PLCXD3: variants seen among roughly 807,000 people sequenced by gnomAD.
PLCXD3 encodes phosphatidylinositol specific phospholipase C X domain containing 3, also known as PI-PLC X domain-containing protein 3.
A neutral mutation model predicts 25.5 loss-of-function variants in PLCXD3; 19 were observed. The observed-to-expected ratio is 0.75, with a 90% CI of 0.52 to 1.09. PLCXD3 has a LOEUF of 1.09. PLCXD3 is among the 50% of genes least tolerant of loss of function. The pLI is 0.00. For synonymous variants in PLCXD3, 174 were observed against 137.6 expected (o/e 1.26, Z -1.85); for missense variants, 411 against 388.1 (o/e 1.06, Z -0.50).
intron 1 of PLCXD3, among the ~76,000 whole-genome samples, chr5:41,490,662 G>C (rs1474882750): frequency 6.6e-6 from 1 of 152,078 alleles, no homozygotes; most frequent in Non-Finnish European, 1.5e-5. Flanking sequence ...TTTAGTCTTG[G>C]GAGGGTGTAT....
At chr5:41,479,967 T>C (rs1430524319) in intron 1 of PLCXD3, among the ~76,000 whole-genome samples, 5 of 152,112 alleles carry the variant, frequency 3.3e-5, no homozygotes, top group African/African-American at 1.2e-4. Flanking sequence ...GAGAAAAGAA[T>C]CTAGTAGAAT....
intron 2 of PLCXD3, among the ~76,000 whole-genome samples, chr5:41,380,598 C>G (rs1352750039): frequency 6.6e-6 from 1 of 152,130 alleles, no homozygotes; most frequent in Non-Finnish European, 1.5e-5. Context: ...AGCTTTATCT[C>G]CTTTCATTCC....
chr5:41,408,584 CAG>C lies in PLCXD3; in HGVS notation c.104-26052_104-26051del, dbSNP rs138876690. 5.3e-3 allele frequency among the ~76,000 whole-genome samples: 813 copies of C among 152,186 alleles called. 6 individuals are homozygous for C. The highest frequency in any genetic ancestry group is 0.018 in the African/African-American group (764 of 41,502). ...CTTTTTTTTAAAACAAAAAGGTTGA[CAG>C]AACATTTATTAATAAGTTTTGTGAT... On this transcript the variant is annotated intron_variant, in intron 1 of 2. Coordinates refer to ENST00000377801, the MANE Select transcript of PLCXD3 (RefSeq NM_001005473.3).
chr5:41,500,699 G>A (rs1748933241), intron 1 of PLCXD3, among the ~76,000 whole-genome samples: 1 of 151,674 alleles, frequency 6.6e-6, no homozygotes, highest in South Asian at 2.1e-4. Context: ...AAAGCCACAG[G>A]CACCAAAAGC....
chr5:41,320,911 A>G (rs1743449951), intron 2 of PLCXD3, among the ~76,000 whole-genome samples: 1 of 152,228 alleles, frequency 6.6e-6, no homozygotes, highest in South Asian at 2.1e-4. Flanking sequence ...TCATTATAAA[A>G]AATCTTTTAA....
rs1211613247 is a variant in PLCXD3, at chr5:41,383,254, A to G, written c.104-720T>C. Among the ~76,000 whole-genome samples, 4 of 152,098 alleles carry G rather than the reference A, an allele frequency of 2.6e-5. No homozygotes were observed. In the East Asian group the frequency reaches 7.7e-4, roughly 29 times the overall value. The stretch of plus-strand genomic sequence containing the variant: ...AATTGACAGCATTTAAAAATTAACT[A>G]ATAGACTCTTTTCTTCACAAATTTT... On this transcript the variant is annotated intron_variant, in intron 1 of 2. Coordinates refer to ENST00000377801, the MANE Select transcript of PLCXD3 (RefSeq NM_001005473.3).
At chr5:41,350,396 TC>T (rs1744424966) in intron 2 of PLCXD3, among the ~76,000 whole-genome samples, 1 of 152,192 alleles carries the variant, frequency 6.6e-6, no homozygotes, top group Non-Finnish European at 1.5e-5. Flanking sequence ...CCATTCTTTT[TC>T]CTTTTTCTCC....
In PLCXD3 at chr5:41,356,765, C is replaced by T. The variant is rs372944292; in HGVS notation, c.812+25061G>A. Among the ~76,000 whole-genome samples, 29 of 152,278 alleles carry T rather than the reference C, an allele frequency of 1.9e-4. No individual in the cohort carries two copies. In the South Asian group the frequency reaches 3.3e-3, roughly 17 times the overall value. On this transcript the variant is annotated intron_variant, in intron 2 of 2. Coordinates refer to ENST00000377801, the MANE Select transcript of PLCXD3 (RefSeq NM_001005473.3). ...GAAGTGACCCCCCAAAGATAAAACA[C>T]GTATTTTCCCTTTCATCTTTTTGCT...
At chr5:41,329,461 A>G (rs909849816) in intron 2 of PLCXD3, among the ~76,000 whole-genome samples, 56 of 152,238 alleles carry the variant, frequency 3.7e-4, no homozygotes, top group Non-Finnish European at 2.9e-5. Flanking sequence ...GTTTAGAAAC[A>G]AAGTTTACTT....
chr5:41,483,008 A>C (rs926692152), intron 1 of PLCXD3, among the ~76,000 whole-genome samples: 1 of 152,210 alleles, frequency 6.6e-6, no homozygotes, highest in Non-Finnish European at 1.5e-5. Flanking sequence ...ATCTTATATA[A>C]GTGGAATCAT....
chr5:41,382,080 C>T lies in PLCXD3; in HGVS notation c.558G>A (p.Glu186=). The T allele has an allele frequency of 1.2e-6, 2 of 1,613,718 alleles. No homozygotes were observed. The highest frequency in any genetic ancestry group is 1.7e-6 in the Non-Finnish European group (2 of 1,179,766). Residue 186 remains glutamate (E), a synonymous_variant, in exon 2 of 3, where the codon GAG becomes GAA. Transcript: ENST00000377801. ...AQEVSLKYLW[E]KDYQVLVFYH... ...AGAAGACCAGCACTTGATAGTCCTTCTCCCACAGGTACTTTAAACTAACTT... is the reference window on the plus strand; with the variant it reads ...AGAAGACCAGCACTTGATAGTCCTTTTCCCACAGGTACTTTAAACTAACTT...
At chr5:41,486,930 T>A (rs1748531311) in intron 1 of PLCXD3, among the ~76,000 whole-genome samples, 1 of 152,166 alleles carries the variant, frequency 6.6e-6, no homozygotes, top group African/African-American at 2.4e-5. Context: ...GACCATGGCA[T>A]GAATCCCCCA....
intron 1 of PLCXD3, among the ~76,000 whole-genome samples, chr5:41,485,724 T>C (rs1372835923): frequency 6.6e-6 from 1 of 152,204 alleles, no homozygotes; most frequent in Admixed American, 6.5e-5. Context: ...TATATCTGGT[T>C]ATGCAGCCCG....
At chr5:41,432,049 G>C (rs764427912) in intron 1 of PLCXD3, among the ~76,000 whole-genome samples, 7 of 152,100 alleles carry the variant, frequency 4.6e-5, no homozygotes, top group Non-Finnish European at 8.8e-5. Context: ...GAGGTGAGAG[G>C]CCTTCCATCT....
intron 1 of PLCXD3, among the ~76,000 whole-genome samples, chr5:41,414,966 G>A (rs1283066083): frequency 2.0e-5 from 3 of 152,080 alleles, no homozygotes; most frequent in African/African-American, 7.2e-5. Context: ...TGTTATAATT[G>A]TTCCATTTTA....
At position 41,308,954 on chromosome 5, in the gene PLCXD3, C is replaced by T. The variant is rs1171189155; in HGVS notation, c.*4663G>A. 10 of 152,524 alleles carry T rather than the reference C, an allele frequency of 6.6e-5. No individual in the cohort carries two copies. In the South Asian group the frequency reaches 1.0e-3, roughly 16 times the overall value. 9.4% of individuals were successfully genotyped at this position (152,524 alleles called of 1,614,324 possible). A position where few individuals can be genotyped will look rare whatever the true frequency, so the allele number is the denominator to read the frequency against. On this transcript the variant is annotated 3_prime_UTR_variant, in exon 3 of 3. Coordinates refer to ENST00000377801, the MANE Select transcript of PLCXD3 (RefSeq NM_001005473.3). ...CTCAGATAGGTTCTAAAGCCCATTCCTCACAAAATTAAAAGACACCATTTT... is the reference window on the plus strand; with the variant it reads ...CTCAGATAGGTTCTAAAGCCCATTCTTCACAAAATTAAAAGACACCATTTT...
At chr5:41,394,824 C>A (rs937854798) in intron 1 of PLCXD3, among the ~76,000 whole-genome samples, 2 of 152,002 alleles carry the variant, frequency 1.3e-5, no homozygotes, top group Admixed American at 6.6e-5. Flanking sequence ...TAGATATAAG[C>A]AGGTAATATT....
chr5:41,394,914 T>G (rs1561258821), intron 1 of PLCXD3, among the ~76,000 whole-genome samples: 1 of 152,120 alleles, frequency 6.6e-6, no homozygotes, highest in Non-Finnish European at 1.5e-5. Context: ...ATTGGACAGA[T>G]CTTCCAGACA....
chr5:41,376,355 T>C (rs992804875), intron 2 of PLCXD3, among the ~76,000 whole-genome samples: 1 of 152,122 alleles, frequency 6.6e-6, no homozygotes, highest in Admixed American at 6.6e-5. Context: ...TGGCTTCTTC[T>C]TCAGTCTCTT....
Sources: allele counts gnomAD v4.1 joint callset (sites outside exome capture counted in the v4.1 genomes callset), GRCh38; gene constraint gnomAD v4.1.1; transcripts MANE v1.5; gene names NCBI Gene and HGNC (gene_info 2026-07-23, HGNC 2026-07-21).